The following CNTN4 variants were observed in gnomAD, a reference collection of about 807,000 sequenced individuals.
CNTN4 encodes the protein contactin 4, also known as contactin-4.
CNTN4 carries 77 observed loss-of-function variants against 122.5 expected under a neutral mutation model. That is an observed-to-expected ratio of 0.63 (90% CI 0.52 to 0.76). The LOEUF is 0.76. Ranked by LOEUF, CNTN4 falls within the 30% of genes least tolerant of loss-of-function variation. The pLI is 0.00. For missense variants in CNTN4, 1,256 were observed against 1,259.1 expected, an observed-to-expected ratio of 1.00 and a Z score of 0.04; for synonymous variants, 512 against 447.0, an observed-to-expected ratio of 1.15 and a Z score of -1.83.
intron 3 of CNTN4, among the ~76,000 whole-genome samples, chr3:2,512,428 C>G (rs1381148606): frequency 6.6e-6 from 1 of 152,046 alleles, no homozygotes; most frequent in Non-Finnish European, 1.5e-5. Flanking sequence ...TGCCATCTAT[C>G]AAATTAATAT....
At chr3:2,228,834 A>G (rs2039382865) in intron 2 of CNTN4, among the ~76,000 whole-genome samples, 1 of 152,076 alleles carries the variant, frequency 6.6e-6, no homozygotes, top group Non-Finnish European at 1.5e-5. Flanking sequence ...ATTAAATAGG[A>G]TTGGGTTGAT....
At chr3:2,607,720 A>G (rs551411845) in intron 4 of CNTN4, among the ~76,000 whole-genome samples, 55 of 150,936 alleles carry the variant, frequency 3.6e-4, no homozygotes, top group African/African-American at 1.2e-3. Context: ...GAGAGAAAGG[A>G]GGACCTAGTT....
intron 13 of CNTN4, among the ~76,000 whole-genome samples, chr3:2,933,369 G>C (rs2094541449): frequency 1.3e-5 from 2 of 152,126 alleles, no homozygotes; most frequent in South Asian, 4.2e-4. Flanking sequence ...GAAAGATTTA[G>C]GGGCTCACAA....
At chr3:2,337,397 G>A (rs1490577067) in intron 2 of CNTN4, among the ~76,000 whole-genome samples, 1 of 152,112 alleles carries the variant, frequency 6.6e-6, no homozygotes, top group Non-Finnish European at 1.5e-5. Flanking sequence ...CATAATGTAT[G>A]AGAATCTCTT....
At chr3:2,479,207 C>T (rs1165018655) in intron 3 of CNTN4, among the ~76,000 whole-genome samples, 1 of 152,046 alleles carries the variant, frequency 6.6e-6, no homozygotes, top group Non-Finnish European at 1.5e-5. Context: ...AAAATAATAA[C>T]TTTATCTGTT....
intron 3 of CNTN4, among the ~76,000 whole-genome samples, chr3:2,344,891 C>T (rs1314591930): frequency 1.3e-5 from 2 of 152,166 alleles, no homozygotes; most frequent in Non-Finnish European, 2.9e-5. Context: ...TGGCTTTTCT[C>T]TTCCTGGCAT....
At chr3:2,915,703 A>G (rs1189648933) in intron 12 of CNTN4, among the ~76,000 whole-genome samples, 2 of 152,216 alleles carry the variant, frequency 1.3e-5, no homozygotes, top group African/African-American at 4.8e-5. Context: ...CATTTGGTAT[A>G]TATTCAAAAT....
intron 4 of CNTN4, among the ~76,000 whole-genome samples, chr3:2,704,026 A>T (rs2086506787): frequency 6.6e-6 from 1 of 152,008 alleles, no homozygotes; most frequent in Non-Finnish European, 1.5e-5. Flanking sequence ...GGCATGGTGG[A>T]TCACGCCTGT....
At chr3:2,233,442 C>T (rs780309153) in intron 2 of CNTN4, among the ~76,000 whole-genome samples, 5 of 152,060 alleles carry the variant, frequency 3.3e-5, no homozygotes, top group South Asian at 2.1e-4. Flanking sequence ...CTGCATTCTC[C>T]GTTAGGGCTA....
At chr3:2,323,592 G>A (rs1056796039) in intron 2 of CNTN4, among the ~76,000 whole-genome samples, 2 of 152,082 alleles carry the variant, frequency 1.3e-5, no homozygotes, top group African/African-American at 2.4e-5. Context: ...CCCCAAACAC[G>A]TAACATGTTT....
chr3:2,129,344 A>G (rs1387235105), intron 2 of CNTN4, among the ~76,000 whole-genome samples: 1 of 151,638 alleles, frequency 6.6e-6, no homozygotes, highest in African/African-American at 2.4e-5. Flanking sequence ...GTAATGAGAA[A>G]CAAAATAACT....
rs535398079 is a variant in CNTN4 at position 2,146,410 on chromosome 3, A to G, written c.-145+45771A>G. On this transcript the variant is annotated intron_variant, in intron 2 of 24. Coordinates refer to ENST00000418658, the MANE Select transcript of CNTN4 (RefSeq NM_175607.3). ...AGTAATATCTATGCATATAGTATCT[A>G]TGTAGTAGCTTTCCAATTTATTTTG... Among the ~76,000 whole-genome samples the G allele has an allele frequency of 8.5e-5, 13 of 152,098 alleles. No homozygotes were observed. The South Asian group carries it at 1.9e-3, about 22-fold the overall frequency.
intron 3 of CNTN4, among the ~76,000 whole-genome samples, chr3:2,389,161 A>G (rs1272744086): frequency 6.8e-6 from 1 of 147,920 alleles, no homozygotes; most frequent in Non-Finnish European, 1.5e-5. Context: ...ACTCCATCTC[A>G]AAAAAAAAAG....
intron 4 of CNTN4, among the ~76,000 whole-genome samples, chr3:2,593,766 A>G (rs913580175): frequency 5.3e-5 from 8 of 152,174 alleles, no homozygotes; most frequent in Non-Finnish European, 1.2e-4. Context: ...CCTTATAGCT[A>G]AAAGTATCTG....
At chr3:2,444,524 G>C (rs1166434717) in intron 3 of CNTN4, among the ~76,000 whole-genome samples, 1 of 152,178 alleles carries the variant, frequency 6.6e-6, no homozygotes, top group East Asian at 1.9e-4. Context: ...TGGTGAATGA[G>C]GGAAAGTGGC....
At chr3:2,403,332 T>C (rs1356559527) in intron 3 of CNTN4, among the ~76,000 whole-genome samples, 1 of 152,128 alleles carries the variant, frequency 6.6e-6, no homozygotes, top group Admixed American at 6.5e-5. Flanking sequence ...GACTTCAATA[T>C]ATTAATGTGA....
At chr3:2,416,400 A>G (rs766479450) in intron 3 of CNTN4, among the ~76,000 whole-genome samples, 11 of 152,216 alleles carry the variant, frequency 7.2e-5, no homozygotes, top group Non-Finnish European at 1.6e-4. Context: ...TCTGCGTTAT[A>G]TAACATATGT....
At chr3:2,489,110 T>C (rs1002714219) in intron 3 of CNTN4, among the ~76,000 whole-genome samples, 26 of 152,206 alleles carry the variant, frequency 1.7e-4, no homozygotes, top group African/African-American at 4.8e-4. Context: ...CATTAGCATG[T>C]ATTGACTCAG....
chr3:2,359,816 G>C (rs2045046950), intron 3 of CNTN4, among the ~76,000 whole-genome samples: 1 of 152,180 alleles, frequency 6.6e-6, no homozygotes, highest in African/African-American at 2.4e-5. Context: ...TGGGATTAGG[G>C]TCGAGAGCCA....
Sources: gnomAD v4.1 joint callset for allele counts (sites outside exome capture counted in the v4.1 genomes callset) on GRCh38, gnomAD v4.1.1 for gene constraint, MANE v1.5 for transcripts, NCBI Gene and HGNC (gene_info 2026-07-23, HGNC 2026-07-21) for gene names.